Variants in KCNMB2 observed in about 807,000 individuals in gnomAD.
KCNMB2 encodes the protein potassium calcium-activated channel subfamily M regulatory beta subunit 2.
In KCNMB2, 9 loss-of-function variants were observed where a neutral mutation model predicts 24.5. The observed-to-expected ratio is 0.37, with a 90% CI of 0.22 to 0.64. The LOEUF (loss-of-function observed/expected upper bound fraction) is 0.64. Among genes scored for constraint, KCNMB2 ranks in the 30% least tolerant of loss-of-function variants. KCNMB2 has a pLI of 0.63. For missense variants in KCNMB2, 226 were observed against 284.3 expected, an observed-to-expected ratio of 0.79 and a Z score of 1.47; for synonymous variants, 109 against 104.4, an observed-to-expected ratio of 1.04 and a Z score of -0.27.
intron 1 of KCNMB2, among the ~76,000 whole-genome samples, chr3:178,699,775 G>C (rs909937611): frequency 1.3e-5 from 2 of 152,218 alleles, no homozygotes; most frequent in African/African-American, 2.4e-5. Flanking sequence ...CTCCACTACA[G>C]ACACTCCTGC....
At position 178,741,014 on chromosome 3, in the gene KCNMB2, C is replaced by T. The variant is rs550280055; in HGVS notation, c.-67-66329C>T. ...GGCTTAGAGGCAAGGAGAGGAGAAA[C>T]GCATGAAAGCCCAAAAGTAAGGAGT... On this transcript the variant is annotated intron_variant, in intron 1 of 4. Transcript: ENST00000452583. Among the ~76,000 whole-genome samples the T allele has an allele frequency of 1.7e-4, 26 of 152,170 alleles. No homozygotes were observed. In the South Asian group the frequency reaches 3.1e-3, roughly 18 times the overall value.
intron 1 of KCNMB2, among the ~76,000 whole-genome samples, chr3:178,585,534 G>A (rs577261733): frequency 7.2e-5 from 11 of 152,268 alleles, no homozygotes; most frequent in Middle Eastern, 3.4e-3. Context: ...GGGTTGGGAA[G>A]GGGAGAGAGA....
intron 1 of KCNMB2, among the ~76,000 whole-genome samples, chr3:178,703,534 G>A (rs7374960): frequency 0.33 from 50,040 of 152,004 alleles, 8,983 homozygotes; most frequent in African/African-American, 0.48. Context: ...GTAGCTGTTC[G>A]TGTTCATTAT....
At chr3:178,802,199 A>T (rs143317295) in intron 1 of KCNMB2, among the ~76,000 whole-genome samples, 1 of 152,204 alleles carries the variant, frequency 6.6e-6, no homozygotes, top group African/African-American at 2.4e-5. Flanking sequence ...AGTCTCAAAC[A>T]TAAGAAGCAA....
intron 1 of KCNMB2, among the ~76,000 whole-genome samples, chr3:178,726,997 C>G (rs969620996): frequency 6.6e-6 from 1 of 152,040 alleles, no homozygotes; most frequent in African/African-American, 2.4e-5. Context: ...AACAAACAAA[C>G]AACAAACTCT....
chr3:178,725,764 A>G (rs902497465), intron 1 of KCNMB2, among the ~76,000 whole-genome samples: 1 of 151,958 alleles, frequency 6.6e-6, no homozygotes, highest in African/African-American at 2.4e-5. Context: ...ATGTCCATTT[A>G]CTTTTGATTA....
In KCNMB2 at chr3:178,812,465, C is replaced by T. The variant is rs145947777; in HGVS notation, c.56+5000C>T. Among the ~76,000 whole-genome samples the T allele has an allele frequency of 1.9e-3, 271 of 146,484 alleles. 2 individuals are homozygous for T. The highest frequency in any genetic ancestry group is 6.5e-3 in the African/African-American group (256 of 39,664). On this transcript the variant is annotated intron_variant, in intron 2 of 4. Coordinates refer to ENST00000452583, the MANE Select transcript of KCNMB2 (RefSeq NM_181361.3). ...ATGTGTTCTCATTGTTCAATTCCCACCTATGAGTGAGAACATGCGGTGTTT... is the reference window on the plus strand; with the variant it reads ...ATGTGTTCTCATTGTTCAATTCCCATCTATGAGTGAGAACATGCGGTGTTT...
At chr3:178,637,276 C>A (rs1054212966) in intron 1 of KCNMB2, among the ~76,000 whole-genome samples, 2 of 152,170 alleles carry the variant, frequency 1.3e-5, no homozygotes, top group African/African-American at 4.8e-5. Flanking sequence ...TGAGGAATAG[C>A]CACACTGTCT....
At chr3:178,605,566 A>T (rs1049495473) in intron 1 of KCNMB2, among the ~76,000 whole-genome samples, 2 of 152,234 alleles carry the variant, frequency 1.3e-5, no homozygotes, top group Non-Finnish European at 2.9e-5. Flanking sequence ...GTACAGGCTC[A>T]GAAAGAAAAG....
At chr3:178,634,582 C>T (rs994994168) in intron 1 of KCNMB2, among the ~76,000 whole-genome samples, 1 of 152,138 alleles carries the variant, frequency 6.6e-6, no homozygotes, top group African/African-American at 2.4e-5. Context: ...TACCTCCCAC[C>T]AGGTCCTTCC....
chr3:178,825,241 A>G (rs769260197), intron 2 of KCNMB2, among the ~76,000 whole-genome samples: 1 of 152,236 alleles, frequency 6.6e-6, no homozygotes, highest in Non-Finnish European at 1.5e-5. Context: ...GTTAAATGGT[A>G]AAGTCAACAA....
At chr3:178,716,971 C>T (rs538749363) in intron 1 of KCNMB2, among the ~76,000 whole-genome samples, 1 of 151,938 alleles carries the variant, frequency 6.6e-6, no homozygotes, top group East Asian at 1.9e-4. Flanking sequence ...AAACATAAAG[C>T]CCTGCCTTTT....
At chr3:178,794,260 G>A (rs1046647247) in intron 1 of KCNMB2, among the ~76,000 whole-genome samples, 1 of 152,116 alleles carries the variant, frequency 6.6e-6, no homozygotes, top group Admixed American at 6.6e-5. Flanking sequence ...ATCCTAGCTA[G>A]TCTCATGGTG....
intron 1 of KCNMB2, among the ~76,000 whole-genome samples, chr3:178,624,548 G>A (rs1416672160): frequency 6.6e-6 from 1 of 150,600 alleles, no homozygotes; most frequent in Admixed American, 6.6e-5. Flanking sequence ...ATCTTGAATT[G>A]GGGGCTTTTA....
intron 1 of KCNMB2, among the ~76,000 whole-genome samples, chr3:178,675,560 C>T (rs1461903697): frequency 1.3e-5 from 2 of 152,098 alleles, no homozygotes; most frequent in Non-Finnish European, 2.9e-5. Flanking sequence ...TAGCATCTGA[C>T]CACTTTTTCC....
intron 1 of KCNMB2, among the ~76,000 whole-genome samples, chr3:178,600,431 G>C (rs940536328): frequency 2.0e-5 from 3 of 152,156 alleles, no homozygotes; most frequent in African/African-American, 7.2e-5. Context: ...ATAACCAGAA[G>C]TAGAATTGCT....
chr3:178,821,502 C>T (rs1714625350), intron 2 of KCNMB2, among the ~76,000 whole-genome samples: 1 of 152,056 alleles, frequency 6.6e-6, no homozygotes, highest in Admixed American at 6.5e-5. Context: ...AAAATTATGC[C>T]ACACATAAGC....
intron 2 of KCNMB2, among the ~76,000 whole-genome samples, chr3:178,813,925 C>T (rs1030050519): frequency 6.6e-6 from 1 of 152,026 alleles, no homozygotes; most frequent in Admixed American, 6.6e-5. Flanking sequence ...ACTTGAACGA[C>T]CCCTACTCTC....
chr3:178,653,774 A>T (rs1446563476), intron 1 of KCNMB2, among the ~76,000 whole-genome samples: 1 of 152,160 alleles, frequency 6.6e-6, no homozygotes, highest in Non-Finnish European at 1.5e-5. Flanking sequence ...TTTTCATAAA[A>T]TATACTGTAA....
Sources: gnomAD v4.1 joint callset for allele counts (sites outside exome capture counted in the v4.1 genomes callset) on GRCh38, gnomAD v4.1.1 for gene constraint, MANE v1.5 for transcripts, NCBI Gene and HGNC (gene_info 2026-07-23, HGNC 2026-07-21) for gene names.